Variants in LRRIQ1 observed in about 807,000 individuals in gnomAD.
LRRIQ1 encodes the protein leucine-rich repeat- and IQ domain-containing protein 1.
A neutral mutation model predicts 211.9 loss-of-function variants in LRRIQ1; 210 were observed. That is an observed-to-expected ratio of 0.99 (90% confidence interval 0.89 to 1.11). The LOEUF (loss-of-function observed/expected upper bound fraction) is 1.11, where lower values mean the gene tolerates loss of function less well. Ranked by LOEUF, LRRIQ1 falls within the 50% of genes most tolerant of loss-of-function variation. The pLI is 0.00. For synonymous variants in LRRIQ1, 699 were observed against 650.1 expected (o/e 1.08, Z -1.14); for missense variants, 2,136 against 1,939.5 (o/e 1.10, Z -1.90).
intron 24 of LRRIQ1, among the ~76,000 whole-genome samples, chr12:85,196,706 C>T (rs1892935532): frequency 6.6e-6 from 1 of 152,080 alleles, no homozygotes; most frequent in Non-Finnish European, 1.5e-5. Context: ...AAACATTAGA[C>T]CTAAAACCAT....
At chr12:85,050,631 C>CAAA (rs1420696414) in intron 6 of LRRIQ1, among the ~76,000 whole-genome samples, 1 of 152,152 alleles carries the variant, frequency 6.6e-6, no homozygotes, top group Non-Finnish European at 1.5e-5. Context: ...ATGTACTTTA[C>CAAA]AGCTCCTTTG....
In LRRIQ1 at chr12:85,238,381, A is replaced by G. The variant is rs967900414; in HGVS notation, c.5016+5625A>G. On this transcript the variant is annotated intron_variant, in intron 26 of 26. Coordinates refer to ENST00000393217, the MANE Select transcript of LRRIQ1 (RefSeq NM_001079910.2). ...AAACATTTAAAATTTGATGAGAAAT[A>G]CGAGAAAACAGATTTAAAAAGCTTA... Among the ~76,000 whole-genome samples, 3 of 152,206 alleles carry G rather than the reference A, an allele frequency of 2.0e-5. 1 individual carries two copies. The highest frequency in any genetic ancestry group is 6.8e-3 in the Middle Eastern group (2 of 294).
chr12:85,192,394 GTA>G (rs1010499470), intron 24 of LRRIQ1, among the ~76,000 whole-genome samples: 5 of 130,966 alleles, frequency 3.8e-5, no homozygotes, highest in African/African-American at 1.4e-4. Flanking sequence ...TATATATAGT[GTA>G]TATATATTTA....
chr12:85,225,287 A>T (rs1160704373), intron 24 of LRRIQ1, among the ~76,000 whole-genome samples: 1 of 152,184 alleles, frequency 6.6e-6, no homozygotes, highest in Admixed American at 6.6e-5. Context: ...GCATCCACCA[A>T]TTTTTGTATT....
chr12:85,109,509 C>T (rs1887016290), intron 15 of LRRIQ1, among the ~76,000 whole-genome samples: 1 of 152,088 alleles, frequency 6.6e-6, no homozygotes. Context: ...AAAAATTTGT[C>T]AACTTCCAGT....
Position 85,046,032 on chromosome 12 carries a change from A to T in LRRIQ1, c.349A>T (p.Ile117Leu), listed in dbSNP as rs774053980. Reference sequence around the variant, plus strand: ...TTTAACCTCTTAGATATTATCTGAAATAGAAAAAGAAGAATTTATGAGAAG... The same window carrying T: ...TTTAACCTCTTAGATATTATCTGAATTAGAAAAAGAAGAATTTATGAGAAG... ...SEQLIKILSEIEKEEFMRSKT... is the reference protein window; with the variant it reads ...SEQLIKILSELEKEEFMRSKT... The change falls in exon 5 of 27, where the codon ATA becomes TTA. Residue 117 changes from isoleucine (I) to leucine (L), a missense_variant. Physicochemically the swap from Ile to Leu is conservative, Grantham distance 5. Coordinates refer to ENST00000393217, the MANE Select transcript of LRRIQ1 (RefSeq NM_001079910.2). The T allele has an allele frequency of 6.2e-7, 1 of 1,602,068 alleles. No individual in the cohort carries two copies. Among genetic ancestry groups the T allele is most frequent in the East Asian group, 2.2e-5 (1 of 44,674 alleles).
At chr12:85,053,156 G>T (rs1314803282) in intron 7 of LRRIQ1, among the ~76,000 whole-genome samples, 2 of 151,962 alleles carry the variant, frequency 1.3e-5, no homozygotes, top group Non-Finnish European at 2.9e-5. Context: ...AAAAAAAATT[G>T]CAAGAAGAGG....
chr12:85,100,508 T>C (rs1886270331), intron 13 of LRRIQ1, among the ~76,000 whole-genome samples: 1 of 151,746 alleles, frequency 6.6e-6, no homozygotes. Context: ...GTTTGCTATT[T>C]GGGGGATAAA....
chr12:85,057,732 A>G (rs1881298184), intron 8 of LRRIQ1, among the ~76,000 whole-genome samples: 1 of 152,078 alleles, frequency 6.6e-6, no homozygotes, highest in African/African-American at 2.4e-5. Flanking sequence ...AGTTGTCATC[A>G]AATGTTACTA....
downstream of LRRIQ1, among the ~76,000 whole-genome samples, chr12:85,267,113 A>G (rs1486456438): frequency 2.6e-5 from 4 of 152,032 alleles, no homozygotes; most frequent in Non-Finnish European, 5.9e-5. Flanking sequence ...CTGAAAAGTA[A>G]TTTTCTCCCA....
chr12:85,229,662 C>G lies in LRRIQ1; in HGVS notation c.4955+13C>G. The stretch of plus-strand genomic sequence containing the variant: ...GAAATATGAAATGGTGAGGTCATTT[C>G]CTCTAAATTAGATTTTTGTATTGTA... On this transcript the variant is annotated intron_variant, in intron 25 of 26. Coordinates refer to ENST00000393217, the MANE Select transcript of LRRIQ1 (RefSeq NM_001079910.2). 1 of 1,603,610 alleles carries G rather than the reference C, an allele frequency of 6.2e-7. No homozygotes were observed. Among genetic ancestry groups the G allele is most frequent in the East Asian group, 2.2e-5 (1 of 44,724 alleles).
chr12:85,072,949 G>T lies in LRRIQ1; in HGVS notation c.2738G>T (p.Gly913Val). The T allele has an allele frequency of 2.5e-6, 4 of 1,611,460 alleles. No individual in the cohort carries two copies. Among genetic ancestry groups the T allele is most frequent in the Non-Finnish European group, 3.4e-6 (4 of 1,178,708 alleles). ...FLEEKLVDNA[G>V]FCHHLGTSTS... ...GAAGAAAAACTTGTTGACAATGCAG[G>T]GTTCTGCCATCACTTGGGCACCTCC... Residue 913 changes from glycine (G) to valine (V), a missense_variant, in exon 11 of 27, where the codon GGG becomes GTG. Gly to Val is a moderately radical substitution (Grantham distance 109). Transcript: ENST00000393217.
At chr12:85,199,471 G>A (rs945913063) in intron 24 of LRRIQ1, among the ~76,000 whole-genome samples, 1 of 152,060 alleles carries the variant, frequency 6.6e-6, no homozygotes, top group Non-Finnish European at 1.5e-5. Flanking sequence ...GTCTGTGTCT[G>A]TTTTTGTACC....
intron 25 of LRRIQ1, 48 bp downstream of exon 25, chr12:85,229,697 T>C (rs778896955): frequency 6.4e-7 from 1 of 1,560,510 alleles, no homozygotes; most frequent in Admixed American, 1.9e-5. Context: ...AAACACATCT[T>C]GAAAATTGAA....
intron 18 of LRRIQ1, among the ~76,000 whole-genome samples, chr12:85,132,287 A>G (rs550927374): frequency 6.6e-6 from 1 of 152,222 alleles, no homozygotes; most frequent in South Asian, 2.1e-4. Context: ...TGACCTCAGG[A>G]AAAAAGATAA....
At chr12:85,250,733 C>G (rs1006629899) in intron 1 of LRRIQ1, among the ~76,000 whole-genome samples, 1 of 140,548 alleles carries the variant, frequency 7.1e-6, no homozygotes, top group African/African-American at 2.7e-5. Flanking sequence ...GAGCAAGGCT[C>G]TGCTGCTAAG....
downstream of LRRIQ1, among the ~76,000 whole-genome samples, chr12:85,268,385 A>T (rs1896466139): frequency 6.6e-6 from 1 of 151,988 alleles, no homozygotes; most frequent in East Asian, 1.9e-4. Context: ...TGTCAACACC[A>T]GGACTCCTTA....
chr12:85,077,573 A>C (rs1261474579), intron 11 of LRRIQ1, among the ~76,000 whole-genome samples: 1 of 152,182 alleles, frequency 6.6e-6, no homozygotes, highest in Non-Finnish European at 1.5e-5. Context: ...GTGTTAAGGA[A>C]TTAATGGTAT....
intron 26 of LRRIQ1, among the ~76,000 whole-genome samples, chr12:85,238,931 GTTTAA>G (rs1895328621): frequency 1.3e-5 from 2 of 151,870 alleles, no homozygotes; most frequent in Non-Finnish European, 2.9e-5. Context: ...ACACAATAAA[GTTTAA>G]TTTAAAATAT....
Sources: gnomAD v4.1 joint callset for allele counts (sites outside exome capture counted in the v4.1 genomes callset) on GRCh38, gnomAD v4.1.1 for gene constraint, MANE v1.5 for transcripts, NCBI Gene and HGNC (gene_info 2026-07-23, HGNC 2026-07-21) for gene names.